CCPG1: variants seen among roughly 807,000 people sequenced by gnomAD.
CCPG1 encodes the protein cell cycle progression 1.
A neutral mutation model predicts 81.3 loss-of-function variants in CCPG1; 46 were observed. The ratio of observed to expected loss-of-function variants is 0.57; its 90% CI spans 0.45 to 0.72. The LOEUF is 0.72. Ranked by LOEUF, CCPG1 falls within the 30% of genes least tolerant of loss-of-function variation. CCPG1 has a pLI of 0.00. For synonymous variants in CCPG1, 330 were observed against 305.2 expected (o/e 1.08, Z -0.85); for missense variants, 902 against 937.6 (o/e 0.96, Z 0.50).
At chr15:55,359,336 T>A in intron 8 of CCPG1, 1 of 1,280,046 alleles carries the variant, frequency 7.8e-7, no homozygotes, top group African/African-American at 1.5e-5. Flanking sequence ...GTCAAAGTGA[T>A]CACGTTATAA....
At chr15:55,404,045 T>G (rs2057172256) in intron 1 of CCPG1, among the ~76,000 whole-genome samples, 1 of 152,240 alleles carries the variant, frequency 6.6e-6, no homozygotes, top group Admixed American at 6.5e-5. Flanking sequence ...TGTTAATCAA[T>G]TATGAATTTT....
intron 1 of CCPG1, chr15:55,407,848 A>G (rs764438592): frequency 6.6e-6 from 1 of 152,322 alleles, no homozygotes; most frequent in Non-Finnish European, 1.5e-5. Context: ...ACATCTTACC[A>G]TATGGATTTT....
chr15:55,358,016 A>T (rs1286085873), intron 8 of CCPG1: 4 of 147,692 alleles, frequency 2.7e-5, no homozygotes, highest in African/African-American at 5.3e-5. Flanking sequence ...TGTTAATCAG[A>T]TATACTGTTA....
At chr15:55,372,205 T>C (rs188145495) in intron 5 of CCPG1, 161 bp from the exon 6 acceptor site, 5 of 641,540 alleles carry the variant, frequency 7.8e-6, no homozygotes, top group East Asian at 2.7e-5. Flanking sequence ...GGTTTTCAAC[T>C]CATCAACATA....
chr15:55,358,640 C>T, intron 8 of CCPG1: 1 of 985,414 alleles, frequency 1.0e-6, no homozygotes, highest in Non-Finnish European at 1.2e-6. Context: ...TCAAAGGCCA[C>T]CTCACTCAAG....
chr15:55,374,286 G>C, intron 5 of CCPG1: 1 of 1,100,490 alleles, frequency 9.1e-7, no homozygotes, highest in Non-Finnish European at 1.2e-6. Flanking sequence ...GAGGCATAAA[G>C]CTATATTATA....
intron 8 of CCPG1, chr15:55,357,498 C>G (rs1162000658): frequency 1.1e-6 from 1 of 897,886 alleles, no homozygotes; most frequent in Non-Finnish European, 1.3e-6. Flanking sequence ...ATTGAGGTTT[C>G]CGTTACCTGT....
intron 8 of CCPG1, chr15:55,357,191 C>A (rs2056096944): frequency 1.1e-6 from 1 of 926,168 alleles, no homozygotes; most frequent in Non-Finnish European, 1.3e-6. Context: ...CTCCAATTAC[C>A]CTTGCCCCAA....
At chr15:55,402,090 A>G (rs1455667517) in intron 1 of CCPG1, among the ~76,000 whole-genome samples, 1 of 152,164 alleles carries the variant, frequency 6.6e-6, no homozygotes, top group East Asian at 1.9e-4. Context: ...AATCTATAGC[A>G]CTTACTATAC....
rs192235777 is a variant in CCPG1 at position 55,365,320 on chromosome 15, T to C, written c.707-11A>G. On this transcript the variant is annotated splice_polypyrimidine_tract_variant and intron_variant, in intron 6 of 8. Coordinates refer to ENST00000442196, the MANE Select transcript of CCPG1 (RefSeq NM_001204450.2). ...GAATCTGAATTGTGCCTAAAATAAA[T>C]ATTTTTATTAAAGGTATGTAACAAA... 13 of 1,476,892 alleles carry C rather than the reference T, an allele frequency of 8.8e-6. 1 individual carries two copies. In the East Asian group the frequency reaches 1.4e-4, roughly 16 times the overall value. 91.5% of individuals were successfully genotyped at this position (1,476,892 alleles called of 1,614,324 possible).
At chr15:55,358,057 C>T (rs1219451350) in intron 8 of CCPG1, 1 of 152,080 alleles carries the variant, frequency 6.6e-6, no homozygotes, top group African/African-American at 2.4e-5. Context: ...TCAAGTATCC[C>T]TAAGATAAGG....
chr15:55,400,824 A>G (rs1160000244), intron 1 of CCPG1, among the ~76,000 whole-genome samples: 2 of 152,140 alleles, frequency 1.3e-5, no homozygotes, highest in Non-Finnish European at 2.9e-5. Flanking sequence ...TGAAGCATCT[A>G]TATTCATATG....
intron 7 of CCPG1, 70 bp from the exon 8 acceptor site, chr15:55,361,014 A>G: frequency 7.1e-7 from 1 of 1,405,230 alleles, no homozygotes; most frequent in Non-Finnish European, 9.3e-7. Context: ...AATCTTCAAG[A>G]TATAATACCC....
intron 6 of CCPG1, among the ~76,000 whole-genome samples, chr15:55,368,321 GT>G (rs1595828849): frequency 6.6e-6 from 1 of 152,088 alleles, no homozygotes; most frequent in East Asian, 1.9e-4. Flanking sequence ...TCTTCCTCAG[GT>G]TATCAGATTC....
At chr15:55,361,331 G>A (rs1272717618) in intron 7 of CCPG1, among the ~76,000 whole-genome samples, 2 of 151,770 alleles carry the variant, frequency 1.3e-5, no homozygotes, top group African/African-American at 4.8e-5. Flanking sequence ...CTGGCTGGAA[G>A]AATTTAAAAG....
intron 1 of CCPG1, among the ~76,000 whole-genome samples, chr15:55,407,048 C>CCCCCT: frequency 6.8e-6 from 1 of 147,530 alleles, no homozygotes; most frequent in Admixed American, 6.6e-5. Flanking sequence ...CCCCCCCCCC[C>CCCCCT]GCCCCGCCGT....
chr15:55,385,843 A>G, intron 2 of CCPG1, 129 bp from the exon 3 acceptor site: 1 of 644,742 alleles, frequency 1.6e-6, no homozygotes, highest in Non-Finnish European at 2.8e-6. Context: ...AACAGTATCT[A>G]ATTAGACAAG....
At chr15:55,365,410 C>CT (rs1315296226) in intron 6 of CCPG1, 101 bp from the exon 7 acceptor site, 56 of 547,040 alleles carry the variant, frequency 1.0e-4, no homozygotes, top group East Asian at 1.7e-4. Flanking sequence ...GCTATGTAGT[C>CT]TTTTTTTTGT....
rs575322594 is a variant in CCPG1, at chr15:55,386,765, C to T, written c.61-1051G>A. The stretch of plus-strand genomic sequence containing the variant: ...AAAAAAAAATAGCCGAGCGTGGTGG[C>T]GGGCGCCTGTAGTCCCAGCTACTCC... On this transcript the variant is annotated intron_variant, in intron 2 of 8. Coordinates refer to ENST00000442196, the MANE Select transcript of CCPG1 (RefSeq NM_001204450.2). Among the ~76,000 whole-genome samples, 41 of 151,662 alleles carry T rather than the reference C, an allele frequency of 2.7e-4. No homozygotes were observed. The South Asian group carries it at 6.5e-3, about 24-fold the overall frequency.
Sources: gnomAD v4.1 joint callset for allele counts (sites outside exome capture counted in the v4.1 genomes callset) on GRCh38, gnomAD v4.1.1 for gene constraint, MANE v1.5 for transcripts, NCBI Gene and HGNC (gene_info 2026-07-23, HGNC 2026-07-21) for gene names.